Variants in SYNE2 observed in about 807,000 individuals in gnomAD.
SYNE2 encodes the protein nesprin-2.
Under a neutral mutation model 856.3 loss-of-function variants are expected in SYNE2, and 431 were observed. The ratio of observed to expected loss-of-function variants is 0.50; its 90% CI spans 0.47 to 0.55. The LOEUF (loss-of-function observed/expected upper bound fraction) is 0.55, where lower values mean the gene tolerates loss of function less well. Ranked by LOEUF, SYNE2 falls within the 20% of genes least tolerant of loss-of-function variation. SYNE2 has a pLI of 0.00. For synonymous variants in SYNE2, 2,923 were observed against 2,872.3 expected, an observed-to-expected ratio of 1.02 and a Z score of -0.56; for missense variants, 8,129 against 8,023.2, an observed-to-expected ratio of 1.01 and a Z score of -0.50.
At chr14:64,114,649 A>G (rs1048860206) in intron 66 of SYNE2, among the ~76,000 whole-genome samples, 1 of 146,748 alleles carries the variant, frequency 6.8e-6, no homozygotes, top group African/African-American at 2.5e-5. Context: ...TCGGGGTCTC[A>G]CCCTGTCACC....
intron 98 of SYNE2, chr14:64,189,069 C>T: frequency 1.5e-6 from 1 of 685,800 alleles, no homozygotes. Flanking sequence ...CGTGGTGGCT[C>T]ATTGCTGTAA....
chr14:63,841,129 G>T (rs2151763), intron 1 of SYNE2, among the ~76,000 whole-genome samples: 86,867 of 151,890 alleles, frequency 0.57, 25,345 homozygotes, highest in South Asian at 0.69. Context: ...TTAGAGGGGG[G>T]GCCCCAAGTG....
At chr14:64,072,748 G>T (rs1031832884) in intron 52 of SYNE2, among the ~76,000 whole-genome samples, 1 of 152,112 alleles carries the variant, frequency 6.6e-6, no homozygotes, top group Admixed American at 6.5e-5. Context: ...TCATCTGCCC[G>T]CCTCGGCCTC....
chr14:63,917,030 A>G (rs145788897), intron 2 of SYNE2, among the ~76,000 whole-genome samples: 1 of 152,142 alleles, frequency 6.6e-6, no homozygotes, highest in African/African-American at 2.4e-5. Context: ...TTGAGCCTGC[A>G]GTAAGCTATG....
At chr14:63,842,970 T>C (rs1890118558) in intron 1 of SYNE2, among the ~76,000 whole-genome samples, 1 of 152,180 alleles carries the variant, frequency 6.6e-6, no homozygotes, top group Non-Finnish European at 1.5e-5. Context: ...GGTTTGCTTT[T>C]ACTTTAAATC....
intron 6 of SYNE2, among the ~76,000 whole-genome samples, chr14:63,942,669 A>T (rs2095940078): frequency 6.6e-6 from 1 of 151,850 alleles, no homozygotes. Context: ...CCAATTTTGT[A>T]TTTTTAGTAG....
Position 63,949,993 on chromosome 14 carries a change from G to A in SYNE2, c.577G>A (p.Glu193Lys). The part of the protein sequence containing the change: ...ARKALLLWAQ[E>K]QCATYESVNV... ...AAAGGCCCTTCTTTTGTGGGCTCAG[G>A]AACAATGCGCCACGTAAGTAGTTTG... Residue 193 changes from glutamate to lysine, a missense_variant, in exon 7 of 116, where the codon GAA (glutamate) becomes AAA (lysine). Glu to Lys is a moderately conservative substitution (Grantham distance 56). Coordinates refer to ENST00000555002, the MANE Select transcript of SYNE2 (RefSeq NM_182914.3). 6.2e-7 allele frequency: 1 copy of A among 1,614,056 alleles called. No individual in the cohort carries two copies. Among genetic ancestry groups the A allele is most frequent in the Non-Finnish European group, 8.5e-7 (1 of 1,180,006 alleles).
At chr14:63,883,372 A>G (rs1389097433) in intron 1 of SYNE2, among the ~76,000 whole-genome samples, 1 of 150,950 alleles carries the variant, frequency 6.6e-6, no homozygotes, top group Admixed American at 6.6e-5. Context: ...TTATTCATTT[A>G]TTAAAGTCAG....
At chr14:63,982,519 CAAA>C (rs71444636) in intron 16 of SYNE2, 108 bp from the exon 17 acceptor site, 2,772 of 708,064 alleles carry the variant, frequency 3.9e-3, no homozygotes, top group Middle Eastern at 6.9e-3. Flanking sequence ...GACTCCATCT[CAAA>C]AAAAAAAAAA....
At chr14:63,969,576 C>A (rs1408343836) in intron 11 of SYNE2, among the ~76,000 whole-genome samples, 1 of 151,836 alleles carries the variant, frequency 6.6e-6, no homozygotes, top group Non-Finnish European at 1.5e-5. Flanking sequence ...CTCCTGACCT[C>A]GTGATCCACC....
chr14:63,981,077 T>C lies in SYNE2; in HGVS notation c.1740T>C (p.Thr580=). 10 of 1,611,412 alleles carry C rather than the reference T, an allele frequency of 6.2e-6. No individual in the cohort carries two copies. Among genetic ancestry groups the C allele is most frequent in the Non-Finnish European group, 8.5e-6 (10 of 1,177,664 alleles). Residue 580 remains threonine, a synonymous_variant, in exon 16 of 116, where the codon ACT becomes ACC. Coordinates refer to ENST00000555002, the MANE Select transcript of SYNE2 (RefSeq NM_182914.3). The part of the protein sequence containing the change: ...YRKNIYNVKS[T]LQKVLACWAT... ...AAAATATATATAATGTGAAGTCCACTCTACAAAAAGTGCTGGCATGTTGGG... is the reference window on the plus strand; with the variant it reads ...AAAATATATATAATGTGAAGTCCACCCTACAAAAAGTGCTGGCATGTTGGG...
At position 63,997,125 on chromosome 14, in the gene SYNE2, T is replaced by C. The variant is rs2096719608; in HGVS notation, c.3119T>C (p.Leu1040Pro). The change falls in exon 24 of 116, where the codon CTG (leucine) becomes CCG (proline). Residue 1040 changes from leucine to proline, a missense_variant. Around this residue, in one of 3 missense-constraint regions of SYNE2, gnomAD observed 2,422 missense variants for 2,357.4 expected, o/e 1.03. Coordinates refer to ENST00000555002, the MANE Select transcript of SYNE2 (RefSeq NM_182914.3). ...TGTGCTTCCGAGATTCATATGACAC[T>C]GCAGCCCACAGCGGGAGGCACGTCG... ...LKCASEIHMT[L>P]QPTAGGTSKN... 2 of 1,614,112 alleles carry C rather than the reference T, an allele frequency of 1.2e-6. No homozygotes were observed. Among genetic ancestry groups the C allele is most frequent in the Non-Finnish European group, 1.7e-6 (2 of 1,179,994 alleles).
chr14:64,185,519 CTTTTTTTTTTTTT>C (rs66490444), intron 96 of SYNE2, among the ~76,000 whole-genome samples: 5 of 77,480 alleles, frequency 6.5e-5, no homozygotes, highest in Non-Finnish European at 1.2e-4. Flanking sequence ...TTTTCTTTTT[CTTTTTTTTTTTTT>C]TTTTTTGAGG....
At position 64,159,422 on chromosome 14, in the gene SYNE2, A is replaced by G. The variant is rs1203663229; in HGVS notation, c.16074A>G (p.Lys5358=). Residue 5358 remains lysine (K), a synonymous_variant, in exon 87 of 116, where the codon AAA becomes AAG. Coordinates refer to ENST00000555002, the MANE Select transcript of SYNE2 (RefSeq NM_182914.3). ...CPSVAEIIEE[K]CQNTHKRWTQ... ...CTGTTGCTGAAATAATCGAAGAGAA[A>G]TGCCAAAATACTCATAAAAGGTATG... 3.1e-6 allele frequency: 5 copies of G among 1,613,758 alleles called. No homozygotes were observed. The highest frequency in any genetic ancestry group is 1.3e-5 in the African/African-American group (1 of 74,940).
chr14:63,803,072 C>CAAT (rs1262410703), intron 1 of SYNE2, among the ~76,000 whole-genome samples: 1 of 152,176 alleles, frequency 6.6e-6, no homozygotes, highest in African/African-American at 2.4e-5. Flanking sequence ...CTGGCCCCAC[C>CAAT]CACATCCTGC....
intron 18 of SYNE2, 110 bp downstream of exon 18, chr14:63,983,996 C>T: frequency 1.3e-6 from 1 of 777,828 alleles, no homozygotes; most frequent in Non-Finnish European, 2.0e-6. Context: ...AATCCCAGCA[C>T]TTTGGGAGGA....
intron 84 of SYNE2, among the ~76,000 whole-genome samples, chr14:64,151,420 TAA>T (rs540541655): frequency 0.12 from 2,247 of 18,840 alleles, 110 homozygotes; most frequent in East Asian, 0.15. Context: ...ACAAAGGATT[TAA>T]AAAAAAAAAA....
intron 92 of SYNE2, among the ~76,000 whole-genome samples, chr14:64,168,194 C>A (rs545360838): frequency 6.6e-6 from 1 of 152,166 alleles, no homozygotes; most frequent in Non-Finnish European, 1.5e-5. Context: ...ACTTCCACCC[C>A]CCAGGCTCAA....
chr14:63,916,970 C>T lies in SYNE2; in HGVS notation c.79+7743C>T, dbSNP rs992812685. On this transcript the variant is annotated intron_variant, in intron 2 of 115. Coordinates refer to ENST00000555002, the MANE Select transcript of SYNE2 (RefSeq NM_182914.3). ...CTGGGCATGGCAACATTCCCCTGTACGTCCAGCTGCTTGGGAGGCTGAGGT... is the reference window on the plus strand; with the variant it reads ...CTGGGCATGGCAACATTCCCCTGTATGTCCAGCTGCTTGGGAGGCTGAGGT... 9.2e-5 allele frequency among the ~76,000 whole-genome samples: 14 copies of T among 151,880 alleles called. No individual in the cohort carries two copies. The East Asian group carries it at 1.2e-3, about 13-fold the overall frequency.
Sources: gnomAD v4.1 joint callset for allele counts (sites outside exome capture counted in the v4.1 genomes callset) on GRCh38, gnomAD v4.1.1 for gene constraint, gnomAD v4.1.1 regional missense constraint, MANE v1.5 for transcripts, NCBI Gene and HGNC (gene_info 2026-07-23, HGNC 2026-07-21) for gene names.